The following IGSF9 variants were observed in gnomAD, a reference collection of about 807,000 sequenced individuals.
IGSF9 encodes the protein protein turtle homolog A.
Under a neutral mutation model 121.7 loss-of-function variants are expected in IGSF9, and 87 were observed. That is an observed-to-expected ratio of 0.71 (90% CI 0.60 to 0.85). The LOEUF is 0.85. IGSF9 is among the 40% of genes least tolerant of loss of function. The probability of loss-of-function intolerance (pLI) is 0.00; values close to 1 mark genes in which losing one functional copy is unlikely to be tolerated. For missense variants in IGSF9, 1,462 were observed against 1,565.3 expected, an observed-to-expected ratio of 0.93 and a Z score of 1.11; for synonymous variants, 640 against 648.4, an observed-to-expected ratio of 0.99 and a Z score of 0.20.
intron 3 of IGSF9, among the ~76,000 whole-genome samples, chr1:159,941,492 G>A (rs1408026626): frequency 6.6e-6 from 1 of 152,238 alleles, no homozygotes; most frequent in African/African-American, 2.4e-5. Flanking sequence ...AGTCCCAGAG[G>A]CTACTGCTCA....
Position 159,942,987 on chromosome 1 carries a change from G to A in IGSF9, c.223C>T (p.Pro75Ser). ...CCCACGTAATCAGGGTCAATTCGGG[G>A]AGAGTAGAGGCCGAACTGGATGAAG... ...PIFIQFGLYS[P>S]RIDPDYVGRV... Residue 75 changes from proline (P) to serine (S), a missense_variant, in exon 3 of 21, where the codon CCC becomes TCC. By Grantham distance (74) the Pro-to-Ser change is moderately conservative (BLOSUM62 -1). This residue lies in a region of IGSF9 where 558 missense variants were observed against 599.4 expected (regional missense o/e 0.93). Coordinates refer to ENST00000368094, the MANE Select transcript of IGSF9 (RefSeq NM_001135050.2). 6.2e-7 allele frequency: 1 copy of A among 1,613,366 alleles called. No individual in the cohort carries two copies. Among genetic ancestry groups the A allele is most frequent in the Admixed American group, 1.7e-5 (1 of 59,842 alleles).
At position 159,932,947 on chromosome 1, in the gene IGSF9, G is replaced by A. The variant is rs573560995; in HGVS notation, c.1105-295C>T. On this transcript the variant is annotated intron_variant, in intron 9 of 20. Transcript: ENST00000368094. The surrounding 1 kb of genome is among the most constrained non-coding windows in gnomAD (Gnocchi z 4.1). ...GGCCGCGTGGGGCTTCCTGCCTGCT[G>A]GGACTTCACCTGGCTCTCTTCCCAG... The A allele has an allele frequency of 3.3e-4, 96 of 295,226 alleles. No homozygotes were observed. The highest frequency in any genetic ancestry group is 4.9e-4 in the Non-Finnish European group (78 of 159,132). 18.3% of individuals were successfully genotyped at this position (295,226 alleles called of 1,614,324 possible).
chr1:159,932,117 G>T lies in IGSF9; in HGVS notation c.1246-189C>A, dbSNP rs1260950219. ...TCAATTCCTCTCTGGCTCTGTTTCT[G>T]TTCCCCAGTGGGTAGGGGCTGGAGG... On this transcript the variant is annotated intron_variant, in intron 10 of 20. Transcript: ENST00000368094. The surrounding 1 kb of genome is among the most constrained non-coding windows in gnomAD (Gnocchi z 4.1). 5 of 574,834 alleles carry T rather than the reference G, an allele frequency of 8.7e-6. No individual in the cohort carries two copies. Among genetic ancestry groups the T allele is most frequent in the Admixed American group, 3.4e-5 (1 of 29,146 alleles). The allele number at this position is 574,834 out of a possible 1,614,324, so 35.6% of individuals were successfully genotyped here. A position where few individuals can be genotyped will look rare whatever the true frequency, so the allele number is the denominator to read the frequency against.
chr1:159,943,472 C>G lies in IGSF9; in HGVS notation c.-18G>C, dbSNP rs759835757. 1.3e-6 allele frequency: 2 copies of G among 1,544,536 alleles called. No individual in the cohort carries two copies. Among genetic ancestry groups the G allele is most frequent in the African/African-American group, 2.7e-5 (2 of 73,152 alleles). On this transcript the variant is annotated 5_prime_UTR_variant, in exon 2 of 21. Transcript: ENST00000368094. ...CACACCATAGCCCAGCTGGCCTGCT[C>G]ACCCAGCCCCTCCTATCCACAGGAG...
chr1:159,941,221 C>A (rs757170463), intron 3 of IGSF9, among the ~76,000 whole-genome samples: 1 of 152,194 alleles, frequency 6.6e-6, no homozygotes. Context: ...CAACAGTCCC[C>A]GACCCATCTC....
At chr1:159,944,195 C>G (rs2101885607) in intron 1 of IGSF9, among the ~76,000 whole-genome samples, 1 of 152,214 alleles carries the variant, frequency 6.6e-6, no homozygotes, top group East Asian at 1.9e-4. Flanking sequence ...AAAGTGGTCC[C>G]CAGGACACCC....
In IGSF9 at chr1:159,936,632, GCCCTTC is replaced by G. The variant is rs928215856; in HGVS notation, c.555+116_556-117del. Reference sequence around the variant, plus strand: ...CCAGGCTCGGGGCAAACAATGCCAAGCCCTTCTTCTGGCCCATCCTCCAGCCTGGCC... The same window carrying G: ...CCAGGCTCGGGGCAAACAATGCCAAGTTCTGGCCCATCCTCCAGCCTGGCC... On this transcript the variant is annotated intron_variant, in intron 5 of 20. Transcript: ENST00000368094. 81 of 1,522,202 alleles carry G rather than the reference GCCCTTC, an allele frequency of 5.3e-5. No individual in the cohort carries two copies. In the African/African-American group the frequency reaches 1.0e-3, roughly 19 times the overall value. The allele number at this position is 1,522,202 out of a possible 1,614,324, so 94.3% of individuals were successfully genotyped here.
At chr1:159,936,250 A>G in intron 6 of IGSF9, 149 bp downstream of exon 6, 1 of 682,370 alleles carries the variant, frequency 1.5e-6, no homozygotes, top group Admixed American at 2.5e-5. Flanking sequence ...TTTCAGAGCA[A>G]CAGCCTGCAT....
rs759004395 is a variant in IGSF9, at chr1:159,927,814, A to G, written c.3304T>C (p.Leu1102=). 9.9e-6 allele frequency: 16 copies of G among 1,613,804 alleles called. No individual in the cohort carries two copies. Among genetic ancestry groups the G allele is most frequent in the East Asian group, 2.2e-5 (1 of 44,876 alleles). The change falls in exon 20 of 21, where the codon TTG becomes CTG. Residue 1102 remains leucine, a synonymous_variant. Coordinates refer to ENST00000368094, the MANE Select transcript of IGSF9 (RefSeq NM_001135050.2). The part of the protein sequence containing the change: ...FPGDMELLET[L]HLGLASSRLR... ...CGGGAGCTGGCCAAGCCCAGGTGCA[A>G]AGTCTCCAGCAATTCCATGTCCCCA...
Position 159,931,058 on chromosome 1 carries a change from G to C in IGSF9, c.1637+80C>G, listed in dbSNP as rs532234218. 1.9e-6 allele frequency: 3 copies of C among 1,592,652 alleles called. No homozygotes were observed. Among genetic ancestry groups the C allele is most frequent in the African/African-American group, 2.7e-5 (2 of 74,654 alleles). On this transcript the variant is annotated intron_variant, in intron 13 of 20. Coordinates refer to ENST00000368094, the MANE Select transcript of IGSF9 (RefSeq NM_001135050.2). The surrounding 1 kb of genome is among the most constrained non-coding windows in gnomAD (Gnocchi z 4.8). ...GAGGGATAGAGGGACAGAAGAAAGG[G>C]CAGAAGGCCAGATAGGTTCAAGGAG...
Position 159,928,752 on chromosome 1 carries a change from CG to C in IGSF9, c.2635del (p.Arg879ValfsTer49). The C allele has an allele frequency of 6.8e-7, 1 of 1,477,160 alleles. No homozygotes were observed. Among genetic ancestry groups the C allele is most frequent in the Non-Finnish European group, 9.0e-7 (1 of 1,111,606 alleles). The allele number at this position is 1,477,160 out of a possible 1,614,324, so 91.5% of individuals were successfully genotyped here. On this transcript the variant is annotated frameshift_variant, in exon 19 of 21. Coordinates refer to ENST00000368094, the MANE Select transcript of IGSF9 (RefSeq NM_001135050.2). LOFTEE classifies it high-confidence loss of function. ...GCTACAGTCAAAGGACCGGGCCAGA[CG>C]CTGGGCTGGAGTCCGAGGTTCTGCC... The part of the protein sequence containing the change: ...EQAEPRTPAQ[R>X]LARSFDCSSS...
chr1:159,930,823 G>A lies in IGSF9; in HGVS notation c.1682C>T (p.Ala561Val), dbSNP rs762350209. Residue 561 changes from alanine to valine, a missense_variant, in exon 14 of 21, where the codon GCA (alanine) becomes GTA (valine). Ala to Val is a moderately conservative substitution (Grantham distance 64). Around this residue, in one of 3 missense-constraint regions of IGSF9, gnomAD observed 96 missense variants for 150.7 expected, o/e 0.64. Coordinates refer to ENST00000368094, the MANE Select transcript of IGSF9 (RefSeq NM_001135050.2). ...GAGGTGAGCAGCCCCCACAGGCACT[G>A]CCAAGGACACCCAGTCATGGTGCAT... is the stretch of plus-strand genomic sequence containing the variant. ...DRMHHDWVSL[A>V]VPVGAAHLLV... 6.2e-6 allele frequency: 10 copies of A among 1,613,162 alleles called. No homozygotes were observed. The highest frequency in any genetic ancestry group is 8.5e-6 in the Non-Finnish European group (10 of 1,179,632).
At chr1:159,936,701 C>G in intron 5 of IGSF9, 53 bp downstream of exon 5, 1 of 1,597,270 alleles carries the variant, frequency 6.3e-7, no homozygotes, top group South Asian at 1.1e-5. Context: ...TGCCAGGCCC[C>G]CACCTTCCCT....
In IGSF9 at chr1:159,927,097, C is replaced by CACACACAGAG. The variant is rs762782876; in HGVS notation, c.*247_*248insCTCTGTGTGT. Reference sequence around the variant, plus strand: ...AACTTCACACACACACACACACACACAGAGAGAGAGAGAGAGAGAGAGAGA... The same window carrying CACACACAGAG: ...AACTTCACACACACACACACACACACACACACAGAGAGAGAGAGAGAGAGAGAGAGAGAGA... On this transcript the variant is annotated 3_prime_UTR_variant, in exon 21 of 21. Coordinates refer to ENST00000368094, the MANE Select transcript of IGSF9 (RefSeq NM_001135050.2). 834 of 371,858 alleles carry CACACACAGAG rather than the reference C, an allele frequency of 2.2e-3. 7 individuals carry two copies. Among genetic ancestry groups the CACACACAGAG allele is most frequent in the African/African-American group, 0.018 (768 of 42,244 alleles). 23.0% of individuals were successfully genotyped at this position (371,858 alleles called of 1,614,324 possible). A position where few individuals can be genotyped will look rare whatever the true frequency, so the allele number is the denominator to read the frequency against.
chr1:159,938,423 C>T (rs941124482), intron 3 of IGSF9, among the ~76,000 whole-genome samples: 1 of 152,208 alleles, frequency 6.6e-6, no homozygotes, highest in Non-Finnish European at 1.5e-5. Context: ...TCGCCCTATC[C>T]TCTCCATGCC....
At chr1:159,929,330 C>T (rs751148360) in intron 18 of IGSF9, 21 bp downstream of exon 18, 15 of 1,612,786 alleles carry the variant, frequency 9.3e-6, no homozygotes, top group African/African-American at 1.3e-5. Context: ...AGAAGAAAGC[C>T]AAGGAGGTGG....
chr1:159,936,303 A>C, intron 6 of IGSF9, 96 bp downstream of exon 6: 1 of 1,118,570 alleles, frequency 8.9e-7, no homozygotes, highest in Non-Finnish European at 1.3e-6. Flanking sequence ...CTCAGGCACA[A>C]ATCTCCCTCC....
chr1:159,942,925 T>G, intron 3 of IGSF9, 38 bp downstream of exon 3: 1 of 1,586,136 alleles, frequency 6.3e-7, no homozygotes, highest in Non-Finnish European at 8.6e-7. Flanking sequence ...CCTTTCTTGC[T>G]GATACCTCCC....
At chr1:159,943,372 T>G in intron 2 of IGSF9, 25 bp downstream of exon 2, 1 of 1,548,106 alleles carries the variant, frequency 6.5e-7, no homozygotes, top group Non-Finnish European at 8.7e-7. Context: ...AACAGGGCAT[T>G]CTTGAGCCCA....
Sources: allele counts gnomAD v4.1 joint callset (sites outside exome capture counted in the v4.1 genomes callset), GRCh38; gene constraint gnomAD v4.1.1; regional missense constraint gnomAD v4.1.1; non-coding constraint Gnocchi (gnomAD v3.1); transcripts MANE v1.5; gene names NCBI Gene and HGNC (gene_info 2026-07-23, HGNC 2026-07-21).